The following SNX29 variants were observed in gnomAD, a reference collection of about 807,000 sequenced individuals.
SNX29 encodes the protein sorting nexin 29.
In SNX29, 78 loss-of-function variants were observed where a neutral mutation model predicts 102.1. That is an observed-to-expected ratio of 0.76 (90% CI 0.64 to 0.92). The LOEUF (loss-of-function observed/expected upper bound fraction) is 0.92. Ranked by LOEUF, SNX29 falls within the 40% of genes least tolerant of loss-of-function variation. SNX29 has a pLI of 0.00. For missense variants in SNX29, 1,280 were observed against 1,061.7 expected, an observed-to-expected ratio of 1.21 and a Z score of -2.86; for synonymous variants, 580 against 414.5, an observed-to-expected ratio of 1.40 and a Z score of -4.85.
In SNX29 at chr16:12,196,619, T is replaced by G. The variant is rs549606285; in HGVS notation, c.1596-2982T>G. On this transcript the variant is annotated intron_variant, in intron 13 of 20. Transcript: ENST00000566228. ...CTTTTTTTACTTTTCTTTTTTCTTT[T>G]TTCTTTTTTTTTTTTTTTTGGAGAC... Among the ~76,000 whole-genome samples, 8 of 108,704 alleles carry G rather than the reference T, an allele frequency of 7.4e-5. No individual in the cohort carries two copies. The East Asian group carries it at 2.0e-3, about 27-fold the overall frequency. The allele number at this position is 108,704 out of a possible 152,430, so 71.3% of individuals were successfully genotyped here.
At chr16:12,438,254 G>A (rs1480183910) in intron 18 of SNX29, among the ~76,000 whole-genome samples, 1 of 152,164 alleles carries the variant, frequency 6.6e-6, no homozygotes, top group Non-Finnish European at 1.5e-5. Flanking sequence ...TTCACTGCAG[G>A]CGTCCCAGCC....
chr16:12,002,151 A>G (rs2056310937), intron 2 of SNX29, among the ~76,000 whole-genome samples: 2 of 152,138 alleles, frequency 1.3e-5, no homozygotes, highest in African/African-American at 4.8e-5. Flanking sequence ...TACTAATTCA[A>G]AAAGTAGCCT....
chr16:12,498,398 A>T (rs902334983), intron 19 of SNX29, among the ~76,000 whole-genome samples: 28 of 150,944 alleles, frequency 1.9e-4, no homozygotes, highest in South Asian at 4.3e-4. Context: ...CTGGTTTGGC[A>T]TTTAAAAAAA....
intron 13 of SNX29, among the ~76,000 whole-genome samples, chr16:12,190,200 G>C (rs940106922): frequency 2.0e-5 from 3 of 152,134 alleles, no homozygotes; most frequent in Non-Finnish European, 4.4e-5. Context: ...CCCTGGCCTA[G>C]TGCTGGAGGG....
At chr16:12,560,726 C>G (rs906621151) in intron 20 of SNX29, 1 of 167,084 alleles carries the variant, frequency 6.0e-6, no homozygotes, top group Non-Finnish European at 1.3e-5. Context: ...ACACATTCAA[C>G]ATCAAAACCA....
At chr16:12,545,408 G>T (rs909658280) in intron 20 of SNX29, 2 of 152,164 alleles carry the variant, frequency 1.3e-5, no homozygotes, top group African/African-American at 4.8e-5. Flanking sequence ...TCCTAACCGG[G>T]TCCTGCCTGG....
At chr16:12,462,016 T>TATACAC (rs1555544564) in intron 18 of SNX29, among the ~76,000 whole-genome samples, 1 of 65,210 alleles carries the variant, frequency 1.5e-5, no homozygotes, top group Admixed American at 2.1e-4. Context: ...TATATATGTA[T>TATACAC]ACACACACAC....
intron 20 of SNX29, among the ~76,000 whole-genome samples, chr16:12,562,704 T>C (rs563873390): frequency 6.6e-6 from 1 of 152,198 alleles, no homozygotes; most frequent in Non-Finnish European, 1.5e-5. Flanking sequence ...GAGTCGAGAT[T>C]GAAGCCTACC....
intron 1 of SNX29, among the ~76,000 whole-genome samples, chr16:11,993,470 C>G (rs1211785373): frequency 6.6e-6 from 1 of 152,102 alleles, no homozygotes; most frequent in Non-Finnish European, 1.5e-5. Context: ...GTCTTGATAC[C>G]TTGGGGTAAG....
At chr16:12,528,163 C>T (rs964352284) in intron 20 of SNX29, among the ~76,000 whole-genome samples, 1 of 151,690 alleles carries the variant, frequency 6.6e-6, no homozygotes, top group Admixed American at 6.6e-5. Flanking sequence ...TTGCCAACAT[C>T]AAAAAATTAG....
intron 15 of SNX29, among the ~76,000 whole-genome samples, chr16:12,354,638 G>A (rs1353354861): frequency 6.6e-6 from 1 of 152,218 alleles, no homozygotes; most frequent in African/African-American, 2.4e-5. Flanking sequence ...GGCAGCTGTG[G>A]ATTTCTGGTT....
chr16:12,493,002 C>G lies in SNX29; in HGVS notation c.2178+15143C>G, dbSNP rs550409194. ...TTTGTTCTTTTTGGCTTAGGATTGA[C>G]TTGGCAATGCGGGCTCTTTTTTGGT... is the stretch of plus-strand genomic sequence containing the variant. On this transcript the variant is annotated intron_variant, in intron 19 of 20. Coordinates refer to ENST00000566228, the MANE Select transcript of SNX29 (RefSeq NM_032167.5). Among the ~76,000 whole-genome samples, 263 of 152,286 alleles carry G rather than the reference C, an allele frequency of 1.7e-3. 1 individual carries two copies. Among genetic ancestry groups the G allele is most frequent in the Non-Finnish European group, 2.8e-3 (189 of 68,034 alleles).
At chr16:12,184,770 T>C (rs539028264) in intron 13 of SNX29, among the ~76,000 whole-genome samples, 35 of 152,228 alleles carry the variant, frequency 2.3e-4, no homozygotes, top group Non-Finnish European at 3.7e-4. Context: ...AGGCATGGGC[T>C]GGAATGGAAC....
intron 20 of SNX29, among the ~76,000 whole-genome samples, chr16:12,554,571 C>G (rs1309372460): frequency 1.3e-5 from 2 of 152,226 alleles, no homozygotes; most frequent in Non-Finnish European, 2.9e-5. Flanking sequence ...TTTCTTAAAG[C>G]TGACACCAAG....
chr16:12,036,330 CTTTCTTTT>C (rs1159693472), intron 4 of SNX29, among the ~76,000 whole-genome samples: 4 of 117,672 alleles, frequency 3.4e-5, no homozygotes, highest in Admixed American at 8.9e-5. Context: ...GTTTTTCTTT[CTTTCTTTT>C]TTTTTTTTTT....
intron 19 of SNX29, among the ~76,000 whole-genome samples, chr16:12,520,646 G>A (rs539410863): frequency 3.9e-5 from 6 of 152,240 alleles, no homozygotes; most frequent in South Asian, 4.1e-4. Flanking sequence ...TGTCTTTTGC[G>A]GCAACTTGGA....
intron 15 of SNX29, among the ~76,000 whole-genome samples, chr16:12,300,773 C>G (rs778116285): frequency 4.2e-4 from 64 of 152,158 alleles, no homozygotes; most frequent in Non-Finnish European, 8.2e-4. Flanking sequence ...ACATTTTGGA[C>G]TGCGTAGCTG....
chr16:12,074,957 C>T (rs919262773), intron 10 of SNX29, among the ~76,000 whole-genome samples: 5 of 152,306 alleles, frequency 3.3e-5, no homozygotes, highest in Admixed American at 6.5e-5. Context: ...TTGATCGCAT[C>T]GGCTCCTGAG....
intron 8 of SNX29, among the ~76,000 whole-genome samples, chr16:12,058,068 C>A (rs1249866816): frequency 6.6e-6 from 1 of 152,054 alleles, no homozygotes; most frequent in Non-Finnish European, 1.5e-5. Context: ...GATCTGCCCA[C>A]CTTGGCCTCC....
Sources: gnomAD v4.1 joint callset for allele counts (sites outside exome capture counted in the v4.1 genomes callset) on GRCh38, gnomAD v4.1.1 for gene constraint, MANE v1.5 for transcripts, NCBI Gene and HGNC (gene_info 2026-07-23, HGNC 2026-07-21) for gene names.